Variants in AGAP1 observed in about 807,000 individuals in gnomAD.
AGAP1 encodes arf-GAP with GTPase, ANK repeat and PH domain-containing protein 1.
AGAP1 carries 29 observed loss-of-function variants against 105.3 expected under a neutral mutation model. The observed-to-expected ratio is 0.28, with a 90% CI of 0.21 to 0.38. AGAP1 has a LOEUF of 0.38. Among genes scored for constraint, AGAP1 ranks in the 10% least tolerant of loss-of-function variants. The probability of loss-of-function intolerance (pLI) is 1.00; values close to 1 mark genes in which losing one functional copy is unlikely to be tolerated. For synonymous variants in AGAP1, 509 were observed against 485.9 expected (o/e 1.05, Z -0.63); for missense variants, 998 against 1,165.1 (o/e 0.86, Z 2.09).
intron 8 of AGAP1, 31 bp from the exon 9 acceptor site, chr2:235,807,208 C>T: frequency 6.2e-7 from 1 of 1,604,752 alleles, no homozygotes; most frequent in Non-Finnish European, 8.5e-7. Flanking sequence ...ACAGCCCTTA[C>T]CCAGATGCCA....
At chr2:236,111,469 C>T (rs1418124376) in intron 16 of AGAP1, among the ~76,000 whole-genome samples, 1 of 151,066 alleles carries the variant, frequency 6.6e-6, no homozygotes, top group Non-Finnish European at 1.5e-5. Context: ...CAAACCCAGC[C>T]TGGGCAGTAT....
intron 10 of AGAP1, among the ~76,000 whole-genome samples, chr2:235,892,039 A>G (rs1243692515): frequency 6.6e-6 from 1 of 152,090 alleles, no homozygotes; most frequent in African/African-American, 2.4e-5. Context: ...CTGTAATCCC[A>G]GCTACTTGGG....
At chr2:235,590,233 G>A (rs1004043858) in intron 1 of AGAP1, among the ~76,000 whole-genome samples, 6 of 152,140 alleles carry the variant, frequency 3.9e-5, no homozygotes, top group Non-Finnish European at 8.8e-5. Flanking sequence ...CGGTGTTAAC[G>A]TTTAAAAGCT....
At chr2:235,860,182 G>A (rs1033870464) in intron 9 of AGAP1, among the ~76,000 whole-genome samples, 3 of 152,056 alleles carry the variant, frequency 2.0e-5, no homozygotes, top group Admixed American at 1.3e-4. Flanking sequence ...AGCAACAAAG[G>A]AAAGGGCATA....
intron 9 of AGAP1, among the ~76,000 whole-genome samples, chr2:235,833,062 G>C (rs546969637): frequency 6.6e-6 from 1 of 152,106 alleles, no homozygotes; most frequent in African/African-American, 2.4e-5. Flanking sequence ...GGAGGGGGCC[G>C]GTGAGCCAGG....
In AGAP1 at chr2:235,783,392, G is replaced by A. The variant is rs1039447141; in HGVS notation, c.674-14367G>A. The A allele has an allele frequency of 3.4e-5, 16 of 471,082 alleles. 1 individual carries two copies. The highest frequency in any genetic ancestry group is 2.8e-4 in the African/African-American group (14 of 50,048). 29.2% of individuals were successfully genotyped at this position (471,082 alleles called of 1,614,324 possible). A position where few individuals can be genotyped will look rare whatever the true frequency, so the allele number is the denominator to read the frequency against. On this transcript the variant is annotated intron_variant, in intron 6 of 17. Transcript: ENST00000304032. ...CTTGCTCATCCTTGGCCGGACCAGA[G>A]AAGTTATTGATAATCAGGTGTTGCT...
chr2:235,921,991 G>C (rs1376297321), intron 11 of AGAP1, among the ~76,000 whole-genome samples: 1 of 152,230 alleles, frequency 6.6e-6, no homozygotes, highest in African/African-American at 2.4e-5. Flanking sequence ...TTTGTAATTA[G>C]AGGACAGAAC....
In AGAP1 at chr2:235,843,115, T is replaced by C. The variant is rs1384816095; in HGVS notation, c.1050+35784T>C. Among the ~76,000 whole-genome samples, 1 of 152,218 alleles carries C rather than the reference T, an allele frequency of 6.6e-6. No individual in the cohort carries two copies. Among genetic ancestry groups the C allele is most frequent in the Non-Finnish European group, 1.5e-5 (1 of 68,054 alleles). ...TCCTGTTGCCACCCTTGTCGGTTTTTCACCCTGCAGCCCTTTGAGACCAAA... is the reference window on the plus strand; with the variant it reads ...TCCTGTTGCCACCCTTGTCGGTTTTCCACCCTGCAGCCCTTTGAGACCAAA... On this transcript the variant is annotated intron_variant, in intron 9 of 17. Coordinates refer to ENST00000304032, the MANE Select transcript of AGAP1 (RefSeq NM_001037131.3). This position sits in a 1 kb window ranked among gnomAD's most constrained non-coding sequence, Gnocchi z 5.9.
intron 1 of AGAP1, among the ~76,000 whole-genome samples, chr2:235,671,853 A>T (rs765563109): frequency 6.6e-6 from 1 of 152,208 alleles, no homozygotes; most frequent in Admixed American, 6.5e-5. Context: ...TGCAGGAATC[A>T]GTTAACCTTT....
Position 235,882,266 on chromosome 2 carries a change from T to C in AGAP1, c.1051-1079T>C. The C allele has an allele frequency of 1.8e-6, 1 of 547,610 alleles. No individual in the cohort carries two copies. The highest frequency in any genetic ancestry group is 2.0e-5 in the South Asian group (1 of 51,088). The allele number at this position is 547,610 out of a possible 1,614,324, so 33.9% of individuals were successfully genotyped here. ...CGGTGCAGAGTGCCCAGGTTCACAA[T>C]GCAGCTTGTGGCTCGTGTCCATCTT... On this transcript the variant is annotated intron_variant, in intron 9 of 17. Coordinates refer to ENST00000304032, the MANE Select transcript of AGAP1 (RefSeq NM_001037131.3). This position sits in a 1 kb window ranked among gnomAD's most constrained non-coding sequence, Gnocchi z 4.6.
intron 1 of AGAP1, among the ~76,000 whole-genome samples, chr2:235,698,357 C>A (rs532944498): frequency 6.6e-6 from 1 of 152,120 alleles, no homozygotes; most frequent in African/African-American, 2.4e-5. Flanking sequence ...CACGTCCCTG[C>A]GGTTGGGGAC....
chr2:236,040,699 C>T lies in AGAP1; in HGVS notation c.1801-52C>T, dbSNP rs1309065177. On this transcript the variant is annotated intron_variant, in intron 14 of 17. Transcript: ENST00000304032. This position sits in a 1 kb window ranked among gnomAD's most constrained non-coding sequence, Gnocchi z 5.6. ...TTTCCCTGATGTTATCAGTGATGTG[C>T]GTTTCTCCCGGGGTGCTTACGCCTT... The T allele has an allele frequency of 6.4e-6, 10 of 1,560,652 alleles. No individual in the cohort carries two copies. The Admixed American group carries it at 6.7e-5, about 10-fold the overall frequency.
In AGAP1 at chr2:236,000,760, G is replaced by T. The variant is rs958599494; in HGVS notation, c.1645+32137G>T. Among the ~76,000 whole-genome samples, 8 of 152,158 alleles carry T rather than the reference G, an allele frequency of 5.3e-5. No individual in the cohort carries two copies. The highest frequency in any genetic ancestry group is 1.7e-4 in the African/African-American group (7 of 41,448). ...GGGGCAGGTACTAGAGATTGTGTTT[G>T]CAGTGAGGGCCACTAAGGGGGGCGG... On this transcript the variant is annotated intron_variant, in intron 13 of 17. Coordinates refer to ENST00000304032, the MANE Select transcript of AGAP1 (RefSeq NM_001037131.3). This position sits in a 1 kb window ranked among gnomAD's most constrained non-coding sequence, Gnocchi z 4.3.
rs115148865 is a variant in AGAP1 at position 236,128,081 on chromosome 2, C to G, written c.*3959C>G. 5 of 151,424 alleles carry G rather than the reference C, an allele frequency of 3.3e-5. No individual in the cohort carries two copies. The East Asian group carries it at 7.8e-4, about 24-fold the overall frequency. The allele number at this position is 151,424 out of a possible 1,614,324, so 9.4% of individuals were successfully genotyped here. On this transcript the variant is annotated 3_prime_UTR_variant, in exon 18 of 18. Coordinates refer to ENST00000304032, the MANE Select transcript of AGAP1 (RefSeq NM_001037131.3). This position sits in a 1 kb window ranked among gnomAD's most constrained non-coding sequence, Gnocchi z 5.9. ...GTGATGGGCACGTTTGCCAACCCCCCCCCCCCAGTAGAGCCCAGGACCCTC... is the reference window on the plus strand; with the variant it reads ...GTGATGGGCACGTTTGCCAACCCCCGCCCCCCAGTAGAGCCCAGGACCCTC...
At chr2:235,804,872 G>A (rs1287758085) in intron 8 of AGAP1, among the ~76,000 whole-genome samples, 7 of 152,186 alleles carry the variant, frequency 4.6e-5, no homozygotes, top group East Asian at 3.8e-4. Context: ...GGCAGACGCC[G>A]TGGGTGCTGA....
chr2:235,839,537 A>G (rs139256713), intron 9 of AGAP1, among the ~76,000 whole-genome samples: 406 of 151,122 alleles, frequency 2.7e-3, no homozygotes, highest in Middle Eastern at 0.01. Context: ...GCAGTGAGCT[A>G]TGATCGCACT....
chr2:235,884,744 G>T (rs1005251014), intron 10 of AGAP1, among the ~76,000 whole-genome samples: 1 of 152,120 alleles, frequency 6.6e-6, no homozygotes, highest in Admixed American at 6.5e-5. Flanking sequence ...TTGAGCCACC[G>T]CGCCTGGCCT....
In AGAP1 at chr2:235,931,461, A is replaced by C. The variant is rs1000484531; in HGVS notation, c.1483+538A>C. On this transcript the variant is annotated intron_variant, in intron 12 of 17. Coordinates refer to ENST00000304032, the MANE Select transcript of AGAP1 (RefSeq NM_001037131.3). This position sits in a 1 kb window ranked among gnomAD's most constrained non-coding sequence, Gnocchi z 5.6. ...TTATTATTATTATTATTATTTTGAC[A>C]AGTGTATCCAGCTTTTTGGGGAATA... is the stretch of plus-strand genomic sequence containing the variant. Among the ~76,000 whole-genome samples the C allele has an allele frequency of 1.3e-5, 2 of 151,952 alleles. No homozygotes were observed. Among genetic ancestry groups the C allele is most frequent in the Admixed American group, 1.3e-4 (2 of 15,268 alleles).
At position 235,600,969 on chromosome 2, in the gene AGAP1, G is replaced by T. The variant is rs532050974; in HGVS notation, c.163+106120G>T. On this transcript the variant is annotated intron_variant, in intron 1 of 17. Transcript: ENST00000304032. This position sits in a 1 kb window ranked among gnomAD's most constrained non-coding sequence, Gnocchi z 4.8. ...GCTCACTTTATTTTTACTGCTTGTT[G>T]TTCTGGCCCCAGATCTCAGAGTCCT... Among the ~76,000 whole-genome samples the T allele has an allele frequency of 1.3e-5, 2 of 152,198 alleles. No individual in the cohort carries two copies. Among genetic ancestry groups the T allele is most frequent in the African/African-American group, 4.8e-5 (2 of 41,544 alleles).
Sources: gnomAD v4.1 joint callset for allele counts (sites outside exome capture counted in the v4.1 genomes callset) on GRCh38, gnomAD v4.1.1 for gene constraint, Gnocchi (gnomAD v3.1) non-coding constraint, MANE v1.5 for transcripts, NCBI Gene and HGNC (gene_info 2026-07-23, HGNC 2026-07-21) for gene names.